The following POLR3E variants were observed in gnomAD, a reference collection of about 807,000 sequenced individuals.
POLR3E encodes the protein DNA-directed RNA polymerase III subunit RPC5.
POLR3E carries 41 observed loss-of-function variants against 96.6 expected under a neutral mutation model. The ratio of observed to expected loss-of-function variants is 0.42; its 90% CI spans 0.33 to 0.55. POLR3E has a LOEUF of 0.55. POLR3E is among the 20% of genes least tolerant of loss of function. POLR3E has a pLI of 0.06. For missense variants in POLR3E, 849 were observed against 952.1 expected (o/e 0.89, Z 1.43); for synonymous variants, 396 against 383.6 (o/e 1.03, Z -0.38).
intron 20 of POLR3E, 50 bp from the exon 21 acceptor site, chr16:22,333,594 T>G: frequency 8.2e-7 from 1 of 1,223,508 alleles, no homozygotes. Flanking sequence ...AGAATGTAAT[T>G]AGCTCCTTTT....
chr16:22,324,509 G>T lies in POLR3E; in HGVS notation c.1135G>T (p.Ala379Ser), dbSNP rs141897679. 2 of 1,611,468 alleles carry T rather than the reference G, an allele frequency of 1.2e-6. No homozygotes were observed. The highest frequency in any genetic ancestry group is 1.3e-5 in the African/African-American group (1 of 74,372). ...KEVATVTKLC[A>S]EDVKDFLEHM... is the part of the protein sequence containing the mutation. ...TGGGCCCCCTCCCCTCCAGCTCTGC[G>T]CCGAGGATGTGAAGGACTTCCTGGA... Residue 379 changes from alanine (A) to serine (S), a missense_variant, in exon 16 of 21, where the codon GCC becomes TCC. Transcript: ENST00000299853.
At chr16:22,326,400 A>C in intron 18 of POLR3E, 122 bp downstream of exon 18, 1 of 836,350 alleles carries the variant, frequency 1.2e-6, no homozygotes, top group Non-Finnish European at 2.0e-6. Context: ...ACGTGGGCCT[A>C]GGTGTGACAT....
intron 6 of POLR3E, among the ~76,000 whole-genome samples, chr16:22,311,928 C>T (rs551022297): frequency 6.6e-6 from 1 of 152,272 alleles, no homozygotes; most frequent in East Asian, 1.9e-4. Context: ...GTAGGCTCTG[C>T]TATCTGGGTT....
At chr16:22,303,441 A>G (rs1305356051) in intron 2 of POLR3E, among the ~76,000 whole-genome samples, 1 of 152,124 alleles carries the variant, frequency 6.6e-6, no homozygotes, top group Non-Finnish European at 1.5e-5. Context: ...ATGAATGAAT[A>G]AATGGGCTCA....
At chr16:22,308,684 T>C (rs2048182805) in intron 4 of POLR3E, among the ~76,000 whole-genome samples, 1 of 152,166 alleles carries the variant, frequency 6.6e-6, no homozygotes, top group African/African-American at 2.4e-5. Flanking sequence ...TTTAGGTCTT[T>C]GGGAGTGAAG....
intron 4 of POLR3E, chr16:22,308,456 C>A: frequency 1.8e-6 from 1 of 550,506 alleles, no homozygotes; most frequent in East Asian, 3.1e-5. Context: ...CAGATGTGAG[C>A]TTAGGTTCCC....
chr16:22,326,053 G>A lies in POLR3E; in HGVS notation c.1641G>A (p.Gly547=). 1 of 1,607,232 alleles carries A rather than the reference G, an allele frequency of 6.2e-7. No individual in the cohort carries two copies. ...CTGCGGGCACAGACAGCTTCAACGG[G>A]CACCCGCCCCAGGGCTGCGCCAGCA... ...GRAAGTDSFN[G]HPPQGCASTP... is the part of the protein sequence containing the mutation. Residue 547 remains glycine (G), a synonymous_variant, in exon 18 of 21, where the codon GGG becomes GGA. Transcript: ENST00000299853.
At chr16:22,299,482 C>T (rs1426472566) in intron 1 of POLR3E, among the ~76,000 whole-genome samples, 2 of 146,232 alleles carry the variant, frequency 1.4e-5, no homozygotes, top group Non-Finnish European at 3.0e-5. Flanking sequence ...GGCAAGATCT[C>T]GGCTCACTGC....
At chr16:22,319,397 G>GT (rs953926840) in intron 13 of POLR3E, among the ~76,000 whole-genome samples, 7 of 150,454 alleles carry the variant, frequency 4.7e-5, no homozygotes, top group South Asian at 2.1e-4. Flanking sequence ...ACTGTTTTTT[G>GT]TTTTTTTGTT....
intron 20 of POLR3E, 54 bp downstream of exon 20, chr16:22,332,239 CAG>C: frequency 6.4e-7 from 1 of 1,559,142 alleles, no homozygotes; most frequent in African/African-American, 1.4e-5. Context: ...AAGGGGCTGA[CAG>C]TGTGTAGAAG....
Position 22,325,262 on chromosome 16 carries a change from A to G in POLR3E, c.1344A>G (p.Gln448=), listed in dbSNP as rs748952487. 17 of 1,613,092 alleles carry G rather than the reference A, an allele frequency of 1.1e-5. No homozygotes were observed. In the African/African-American group the frequency reaches 1.2e-4, roughly 11 times the overall value. Residue 448 remains glutamine (Q), a synonymous_variant, in exon 17 of 21, where the codon CAA becomes CAG. Coordinates refer to ENST00000299853, the MANE Select transcript of POLR3E (RefSeq NM_018119.4). The part of the protein sequence containing the change: ...KETMPKKPDA[Q]SGPAGLVCGD... ...CCATGCCAAAGAAGCCGGATGCACAATCAGGTGTGTGAGGGGCTTTGGGCT... is the reference window on the plus strand; with the variant it reads ...CCATGCCAAAGAAGCCGGATGCACAGTCAGGTGTGTGAGGGGCTTTGGGCT...
At chr16:22,305,285 A>T (rs886474394) in intron 3 of POLR3E, 79 bp downstream of exon 3, 1 of 1,006,428 alleles carries the variant, frequency 9.9e-7, no homozygotes, top group African/African-American at 1.6e-5. Flanking sequence ...CGGGCAGGAA[A>T]CGATGGGAAA....
At chr16:22,323,157 AC>A (rs1174302984) in intron 14 of POLR3E, among the ~76,000 whole-genome samples, 1 of 152,092 alleles carries the variant, frequency 6.6e-6, no homozygotes, top group Non-Finnish European at 1.5e-5. Context: ...GTCAAGAAGC[AC>A]GTTTCATTCG....
intron 19 of POLR3E, 121 bp downstream of exon 19, chr16:22,328,708 C>T (rs951865033): frequency 1.7e-5 from 13 of 785,114 alleles, no homozygotes; most frequent in South Asian, 2.9e-5. Flanking sequence ...CTGGCACACT[C>T]GGTTTTAAAT....
chr16:22,310,658 G>A (rs1287885750), intron 6 of POLR3E, among the ~76,000 whole-genome samples: 5 of 149,258 alleles, frequency 3.3e-5, no homozygotes, highest in African/African-American at 9.8e-5. Flanking sequence ...GCATATAGCC[G>A]GGTGTGTTGC....
At chr16:22,304,985 A>C (rs1405289227) in intron 2 of POLR3E, among the ~76,000 whole-genome samples, 171 bp from the exon 3 acceptor site, 1 of 152,118 alleles carries the variant, frequency 6.6e-6, no homozygotes, top group Non-Finnish European at 1.5e-5. Context: ...GAATATACCC[A>C]GTGTGCAGCC....
At chr16:22,299,603 G>C (rs1242661825) in intron 1 of POLR3E, among the ~76,000 whole-genome samples, 2 of 151,510 alleles carry the variant, frequency 1.3e-5, no homozygotes, top group African/African-American at 4.9e-5. Context: ...AAGTAGAGAC[G>C]GGGTTTCACC....
At chr16:22,317,693 T>C (rs751975980) in intron 12 of POLR3E, among the ~76,000 whole-genome samples, 6 of 151,466 alleles carry the variant, frequency 4.0e-5, no homozygotes, top group Non-Finnish European at 7.4e-5. Context: ...TTTTTAAAGG[T>C]TTTAAAGGTT....
At chr16:22,327,597 A>T (rs1471244531) in intron 18 of POLR3E, 3 of 152,186 alleles carry the variant, frequency 2.0e-5, no homozygotes, top group African/African-American at 7.2e-5. Flanking sequence ...TCTCCTTGCC[A>T]TCCTGACAAG....
Sources: allele counts gnomAD v4.1 joint callset (sites outside exome capture counted in the v4.1 genomes callset), GRCh38; gene constraint gnomAD v4.1.1; transcripts MANE v1.5; gene names NCBI Gene and HGNC (gene_info 2026-07-23, HGNC 2026-07-21).